The following MTARC2 variants were observed in gnomAD, a reference collection of about 807,000 sequenced individuals.
MTARC2 encodes mitochondrial amidoxime reducing component 2, also known as MOCO sulphurase C-terminal domain containing 2.
A neutral mutation model predicts 35.6 loss-of-function variants in MTARC2; 27 were observed. That is an observed-to-expected ratio of 0.76 (90% CI 0.56 to 1.04). MTARC2 has a LOEUF of 1.04. Ranked by LOEUF, MTARC2 falls within the 50% of genes least tolerant of loss-of-function variation. The pLI is 0.00. For synonymous variants in MTARC2, 158 were observed against 167.1 expected, an observed-to-expected ratio of 0.95 and a Z score of 0.42; for missense variants, 412 against 432.5, an observed-to-expected ratio of 0.95 and a Z score of 0.42.
intron 1 of MTARC2, 59 bp downstream of exon 1, chr1:220,748,862 G>T (rs972552692): frequency 1.9e-5 from 28 of 1,484,802 alleles, no homozygotes; most frequent in South Asian, 1.1e-4. Flanking sequence ...GGAGCGGGGG[G>T]GCAGGTGGGG....
Position 220,761,689 on chromosome 1 carries a change from T to C in MTARC2, c.478T>C (p.Cys160Arg). 1 of 1,614,002 alleles carries C rather than the reference T, an allele frequency of 6.2e-7. No individual in the cohort carries two copies. The highest frequency in any genetic ancestry group is 8.5e-7 in the Non-Finnish European group (1 of 1,179,960). Residue 160 changes from cysteine (C) to arginine (R), a missense_variant, in exon 3 of 8, where the codon TGT becomes CGT. Coordinates refer to ENST00000366913, the MANE Select transcript of MTARC2 (RefSeq NM_017898.5). ...IFGLDIKGRD[C>R]GNEAAKWFTN... is the part of the protein sequence containing the mutation. ...TGGCCTTGACATTAAAGGCAGAGAC[T>C]GTGGCAATGAGGCAGCTAAGTGGTT... is the stretch of plus-strand genomic sequence containing the variant.
At chr1:220,750,671 G>T (rs1671103243) in intron 1 of MTARC2, among the ~76,000 whole-genome samples, 1 of 152,220 alleles carries the variant, frequency 6.6e-6, no homozygotes, top group Admixed American at 6.5e-5. Flanking sequence ...CAGACACTGA[G>T]CTAAATCCTG....
intron 4 of MTARC2, among the ~76,000 whole-genome samples, chr1:220,775,801 A>G (rs1434176320): frequency 1.3e-5 from 2 of 152,182 alleles, no homozygotes; most frequent in African/African-American, 4.8e-5. Flanking sequence ...TTCCTGCAGT[A>G]ATTCTTTCAG....
intron 4 of MTARC2, among the ~76,000 whole-genome samples, chr1:220,779,793 C>T (rs1672015437): frequency 6.6e-6 from 1 of 152,162 alleles, no homozygotes; most frequent in African/African-American, 2.4e-5. Context: ...GATCTGTCAT[C>T]CCTGCGATGA....
chr1:220,760,236 G>C (rs929087588), intron 2 of MTARC2, among the ~76,000 whole-genome samples: 4 of 152,188 alleles, frequency 2.6e-5, no homozygotes, highest in South Asian at 4.1e-4. Context: ...GAAAAATGCT[G>C]GTGTTGATAA....
At chr1:220,782,323 T>C (rs1248189391) in intron 7 of MTARC2, among the ~76,000 whole-genome samples, 3 of 152,258 alleles carry the variant, frequency 2.0e-5, no homozygotes, top group African/African-American at 7.2e-5. Flanking sequence ...GTTTAAATTA[T>C]TCAACATCAG....
intron 2 of MTARC2, among the ~76,000 whole-genome samples, chr1:220,755,939 A>G (rs986572535): frequency 6.6e-6 from 1 of 152,230 alleles, no homozygotes; most frequent in Non-Finnish European, 1.5e-5. Flanking sequence ...AACCAGGCAG[A>G]CAAGGGAGTT....
intron 4 of MTARC2, among the ~76,000 whole-genome samples, chr1:220,769,887 G>A (rs1288277113): frequency 7.9e-6 from 1 of 127,316 alleles, no homozygotes; most frequent in Admixed American, 9.1e-5. Context: ...TTAGGAGATC[G>A]AGACCATCCT....
At chr1:220,751,783 C>A (rs1671132596) in intron 1 of MTARC2, among the ~76,000 whole-genome samples, 1 of 152,172 alleles carries the variant, frequency 6.6e-6, no homozygotes, top group African/African-American at 2.4e-5. Context: ...CCTGTGAATT[C>A]AAGGTGCTGG....
At chr1:220,763,456 C>T (rs1380953359) in intron 4 of MTARC2, among the ~76,000 whole-genome samples, 1 of 152,136 alleles carries the variant, frequency 6.6e-6, no homozygotes, top group Non-Finnish European at 1.5e-5. Context: ...AAGTGCAGAC[C>T]AAGAGGACAC....
intron 1 of MTARC2, among the ~76,000 whole-genome samples, chr1:220,753,855 G>A (rs934163310): frequency 6.6e-6 from 1 of 152,160 alleles, no homozygotes; most frequent in East Asian, 1.9e-4. Flanking sequence ...TTCAAGACCA[G>A]CCCAGCCAAC....
At chr1:220,756,260 G>T (rs555088535) in intron 2 of MTARC2, 1 of 152,328 alleles carries the variant, frequency 6.6e-6, no homozygotes, top group Non-Finnish European at 1.5e-5. Context: ...TGTTAAGTGT[G>T]TGGAAGTTGG....
rs1049753226 is a variant in MTARC2, at chr1:220,748,474, C to T, written c.-58C>T. The T allele has an allele frequency of 1.5e-6, 2 of 1,347,248 alleles. No individual in the cohort carries two copies. The highest frequency in any genetic ancestry group is 9.5e-7 in the Non-Finnish European group (1 of 1,057,832). The allele number at this position is 1,347,248 out of a possible 1,614,324, so 83.5% of individuals were successfully genotyped here. A position where few individuals can be genotyped will look rare whatever the true frequency, so the allele number is the denominator to read the frequency against. On this transcript the variant is annotated 5_prime_UTR_variant, in exon 1 of 8. Coordinates refer to ENST00000366913, the MANE Select transcript of MTARC2 (RefSeq NM_017898.5). Reference sequence around the variant, plus strand: ...GGATCCTTAAGGGCCTCCTCGTCCTCCCGGTCTCCGGTCGCTGCCGGGTCT... The same window carrying T: ...GGATCCTTAAGGGCCTCCTCGTCCTTCCGGTCTCCGGTCGCTGCCGGGTCT...
chr1:220,778,247 CAAAA>C (rs60336134), intron 4 of MTARC2, among the ~76,000 whole-genome samples: 1 of 97,358 alleles, frequency 1.0e-5, no homozygotes, highest in South Asian at 4.3e-4. Context: ...GACTCTGTCT[CAAAA>C]AAAAAAAAAA....
chr1:220,751,975 A>T (rs1267201027), intron 1 of MTARC2, among the ~76,000 whole-genome samples: 3 of 152,224 alleles, frequency 2.0e-5, no homozygotes, highest in African/African-American at 7.2e-5. Flanking sequence ...TGGTTGGGGT[A>T]TGTTACAAAT....
chr1:220,765,247 A>G (rs78221024), intron 4 of MTARC2, among the ~76,000 whole-genome samples: 2,026 of 152,228 alleles, frequency 0.013, 31 homozygotes, highest in East Asian at 0.06. Context: ...CTAGAAGCAC[A>G]AGAGGCCATG....
intron 4 of MTARC2, among the ~76,000 whole-genome samples, chr1:220,775,333 A>T (rs76024855): frequency 0.024 from 3,604 of 152,006 alleles, 109 homozygotes; most frequent in African/African-American, 0.064. Flanking sequence ...CCTCTTCCTT[A>T]CCTTGCTTCT....
intron 2 of MTARC2, among the ~76,000 whole-genome samples, chr1:220,757,988 A>G (rs1419438472): frequency 6.6e-6 from 1 of 152,032 alleles, no homozygotes; most frequent in Non-Finnish European, 1.5e-5. Context: ...TTATTTTATT[A>G]TTATTATTAT....
In MTARC2 at chr1:220,761,793, T is replaced by G; in HGVS notation, c.582T>G (p.Leu194=). The change falls in exon 3 of 8, where the codon CTT becomes CTG. Residue 194 remains leucine (L), a synonymous_variant. Transcript: ENST00000366913. ...TNMKGRTSRK[L]LPTLDQNFQV... ...TGAAGGGAAGAACATCAAGAAAACT[T>G]CTCCCCACTCTTGATCAGAATTTCC... 1 of 1,611,952 alleles carries G rather than the reference T, an allele frequency of 6.2e-7. No homozygotes were observed. The highest frequency in any genetic ancestry group is 1.7e-5 in the Admixed American group (1 of 59,568).
Sources: gnomAD v4.1 joint callset for allele counts (sites outside exome capture counted in the v4.1 genomes callset) on GRCh38, gnomAD v4.1.1 for gene constraint, MANE v1.5 for transcripts, NCBI Gene and HGNC (gene_info 2026-07-23, HGNC 2026-07-21) for gene names.